TRPM6: variants seen among roughly 807,000 people sequenced by gnomAD.
The protein encoded by TRPM6 is channel kinase 2.
A neutral mutation model predicts 247.6 loss-of-function variants in TRPM6; 111 were observed. The observed-to-expected ratio is 0.45, with a 90% CI of 0.38 to 0.52. TRPM6 has a LOEUF of 0.52. TRPM6 is among the 20% of genes least tolerant of loss of function. The pLI, the probability that TRPM6 is intolerant of heterozygous loss-of-function variation, is 0.00. For synonymous variants in TRPM6, 892 were observed against 853.8 expected (o/e 1.04, Z -0.78); for missense variants, 2,126 against 2,421.5 (o/e 0.88, Z 2.56).
intron 6 of TRPM6, among the ~76,000 whole-genome samples, chr9:74,831,072 G>GA (rs1239746428): frequency 6.6e-6 from 1 of 152,062 alleles, no homozygotes; most frequent in Non-Finnish European, 1.5e-5. Context: ...CCTCAAAAGT[G>GA]AAAAACAGAA....
intron 36 of TRPM6, among the ~76,000 whole-genome samples, chr9:74,733,063 G>A (rs932072165): frequency 1.3e-5 from 2 of 151,982 alleles, no homozygotes; most frequent in Non-Finnish European, 2.9e-5. Context: ...GTTTGGTGGT[G>A]CATGCCTGTA....
chr9:74,799,922 T>C, intron 17 of TRPM6: 1 of 366,660 alleles, frequency 2.7e-6, no homozygotes, highest in Admixed American at 4.0e-5. Flanking sequence ...GGCTGTGACA[T>C]CTGTCACCCC....
rs77196129 is a variant in TRPM6, at chr9:74,738,249, T to C, written c.5776+158A>G. Among the ~76,000 whole-genome samples the C allele has an allele frequency of 0.026, 3,953 of 152,242 alleles. 167 individuals carry two copies. Among genetic ancestry groups the C allele is most frequent in the African/African-American group, 0.088 (3,635 of 41,526 alleles). On this transcript the variant is annotated intron_variant, in intron 36 of 38. Coordinates refer to ENST00000360774, the MANE Select transcript of TRPM6 (RefSeq NM_017662.5). ...CCTAAGTGGGAAATAACATAGCAGATTCCATGATTATCACTGTACAATGTC... is the reference window on the plus strand; with the variant it reads ...CCTAAGTGGGAAATAACATAGCAGACTCCATGATTATCACTGTACAATGTC...
At chr9:74,797,024 A>G (rs890653712) in intron 17 of TRPM6, 131 bp from the exon 18 acceptor site, 10 of 842,814 alleles carry the variant, frequency 1.2e-5, no homozygotes, top group Admixed American at 4.5e-5. Flanking sequence ...TCGCATTTCT[A>G]TAAATAATTT....
At chr9:74,769,627 A>C (rs966069302) in intron 25 of TRPM6, among the ~76,000 whole-genome samples, 3 of 151,884 alleles carry the variant, frequency 2.0e-5, no homozygotes, top group Non-Finnish European at 4.4e-5. Context: ...GTGTGGTGGC[A>C]CACACCTGTA....
rs143271629 is a variant in TRPM6, at chr9:74,878,102, G to A, written c.33+9722C>T. ...CCAACACCACAGCTGGCACCCACACGCACACCACCTGCAGGCCTGGGGACT... is the reference window on the plus strand; with the variant it reads ...CCAACACCACAGCTGGCACCCACACACACACCACCTGCAGGCCTGGGGACT... On this transcript the variant is annotated intron_variant, in intron 1 of 38. Coordinates refer to ENST00000360774, the MANE Select transcript of TRPM6 (RefSeq NM_017662.5). Among the ~76,000 whole-genome samples the A allele has an allele frequency of 5.2e-4, 79 of 152,214 alleles. No individual in the cohort carries two copies. The South Asian group carries it at 6.2e-3, about 12-fold the overall frequency.
intron 23 of TRPM6, among the ~76,000 whole-genome samples, chr9:74,777,460 T>C (rs1365531918): frequency 2.6e-5 from 4 of 152,236 alleles, no homozygotes; most frequent in Non-Finnish European, 5.9e-5. Context: ...TTTTTGACAC[T>C]GGACATTTGT....
intron 1 of TRPM6, among the ~76,000 whole-genome samples, chr9:74,869,653 T>C (rs1830963426): frequency 6.6e-6 from 1 of 151,768 alleles, no homozygotes; most frequent in South Asian, 2.1e-4. Flanking sequence ...CTAATGCTAG[T>C]GCCAGAGATC....
rs78607046 is a variant in TRPM6 at position 74,847,171 on chromosome 9, T to A, written c.153-4828A>T. 3.3e-5 allele frequency among the ~76,000 whole-genome samples: 5 copies of A among 152,330 alleles called. No individual in the cohort carries two copies. The East Asian group carries it at 7.7e-4, about 23-fold the overall frequency. On this transcript the variant is annotated intron_variant, in intron 3 of 38. Coordinates refer to ENST00000360774, the MANE Select transcript of TRPM6 (RefSeq NM_017662.5). ...CATTTCCTTTGTAAAAAAATTTTTT[T>A]AAATTATTATAACATTCTCACTTTT...
rs1310390985 is a variant in TRPM6, at chr9:74,840,304, G to A, written c.331-67C>T. ...AAGTTATGCCAGGCACAGAAACAAT[G>A]AGCACACAGCAGGGCAACTGAAATG... On this transcript the variant is annotated intron_variant, in intron 4 of 38. Coordinates refer to ENST00000360774, the MANE Select transcript of TRPM6 (RefSeq NM_017662.5). 39 of 1,184,242 alleles carry A rather than the reference G, an allele frequency of 3.3e-5. No individual in the cohort carries two copies. In the South Asian group the frequency reaches 4.6e-4, roughly 14 times the overall value. 73.4% of individuals were successfully genotyped at this position (1,184,242 alleles called of 1,614,324 possible).
chr9:74,820,253 T>C (rs1471234008), intron 9 of TRPM6, 51 bp downstream of exon 9: 1 of 1,592,880 alleles, frequency 6.3e-7, no homozygotes, highest in Non-Finnish European at 8.6e-7. Context: ...TTACAGTGTT[T>C]ATAAATTAGC....
chr9:74,853,009 C>T (rs1405217106), intron 3 of TRPM6, among the ~76,000 whole-genome samples: 1 of 151,510 alleles, frequency 6.6e-6, no homozygotes, highest in Admixed American at 6.6e-5. Flanking sequence ...AAGTGAGGAG[C>T]GTCTCTGCCC....
In TRPM6 at chr9:74,762,658, T is replaced by C; in HGVS notation, c.4013A>G (p.His1338Arg). The C allele has an allele frequency of 3.7e-6, 6 of 1,614,186 alleles. No homozygotes were observed. The highest frequency in any genetic ancestry group is 5.1e-6 in the Non-Finnish European group (6 of 1,180,028). The change falls in exon 26 of 39, where the codon CAC becomes CGC. Residue 1338 changes from histidine to arginine, a missense_variant. Physicochemically the swap from His to Arg is conservative, Grantham distance 29. Transcript: ENST00000360774. ...CAGAAGAAACTGGCCATACTTTGAG[T>C]GTGCTTGCCTGTTAGGAGACACCCC... ...VSGVSPNRQAHSKYGQFLLVP... is the reference protein window; with the variant it reads ...VSGVSPNRQARSKYGQFLLVP...
chr9:74,866,182 G>T (rs973496599), intron 1 of TRPM6, among the ~76,000 whole-genome samples: 1 of 152,098 alleles, frequency 6.6e-6, no homozygotes. Flanking sequence ...AGAAGTTACA[G>T]GTTAAATTTT....
Position 74,754,501 on chromosome 9 carries a change from T to C in TRPM6, c.4906+852A>G, listed in dbSNP as rs1008638354. 2.0e-5 allele frequency among the ~76,000 whole-genome samples: 3 copies of C among 152,132 alleles called. No individual in the cohort carries two copies. The East Asian group carries it at 5.8e-4, about 29-fold the overall frequency. On this transcript the variant is annotated intron_variant, in intron 28 of 38. Transcript: ENST00000360774. ...CCCACTTTAGTTATGACAACAAAAA[T>C]ATCTCCAGATATTCCCAAGTGTCCC...
chr9:74,810,240 G>T (rs960991546), intron 13 of TRPM6, among the ~76,000 whole-genome samples: 1 of 152,118 alleles, frequency 6.6e-6, no homozygotes, highest in East Asian at 1.9e-4. Context: ...TGTTAAAGTT[G>T]GAAGGCTTTG....
intron 24 of TRPM6, among the ~76,000 whole-genome samples, chr9:74,773,745 C>A (rs1827125345): frequency 1.3e-5 from 2 of 152,146 alleles, no homozygotes; most frequent in African/African-American, 4.8e-5. Flanking sequence ...ACATTATTTT[C>A]TGTTAAAATT....
intron 1 of TRPM6, among the ~76,000 whole-genome samples, chr9:74,866,597 T>C (rs1830852200): frequency 6.6e-6 from 1 of 152,212 alleles, no homozygotes; most frequent in African/African-American, 2.4e-5. Flanking sequence ...TTCTCCTGCC[T>C]CAGCCTCTTG....
intron 23 of TRPM6, among the ~76,000 whole-genome samples, chr9:74,781,536 CAAAAAAA>C (rs35938872): frequency 2.1e-5 from 2 of 93,556 alleles, no homozygotes; most frequent in African/African-American, 4.3e-5. Context: ...GACTCTATCT[CAAAAAAA>C]AAAAAAAAAA....
Sources: allele counts gnomAD v4.1 joint callset (sites outside exome capture counted in the v4.1 genomes callset), GRCh38; gene constraint gnomAD v4.1.1; transcripts MANE v1.5; gene names NCBI Gene and HGNC (gene_info 2026-07-23, HGNC 2026-07-21).